Variants in SOX6 observed in about 807,000 individuals in gnomAD.
SOX6 encodes transcription factor SOX-6.
SOX6 carries 11 observed loss-of-function variants against 97.8 expected under a neutral mutation model. The observed-to-expected ratio is 0.11, with a 90% CI of 0.07 to 0.19. The LOEUF is 0.19. SOX6 is among the 10% of genes least tolerant of loss of function. SOX6 has a pLI of 1.00. For missense variants in SOX6, 810 were observed against 1,039.5 expected, an observed-to-expected ratio of 0.78 and a Z score of 3.04; for synonymous variants, 360 against 371.4, an observed-to-expected ratio of 0.97 and a Z score of 0.35.
At chr11:16,024,235 C>T (rs1855152361) in intron 12 of SOX6, among the ~76,000 whole-genome samples, 1 of 152,070 alleles carries the variant, frequency 6.6e-6, no homozygotes, top group Non-Finnish European at 1.5e-5. Flanking sequence ...CTGCTAACAC[C>T]TTGATCTTGG....
chr11:16,183,771 A>G, intron 6 of SOX6, 115 bp downstream of exon 6: 1 of 852,520 alleles, frequency 1.2e-6, no homozygotes, highest in Non-Finnish European at 1.9e-6. Flanking sequence ...ATCCTTGAAA[A>G]CAGCCTTATT....
chr11:16,376,093 G>T (rs1169586322), intron 1 of SOX6, among the ~76,000 whole-genome samples: 9 of 151,892 alleles, frequency 5.9e-5, no homozygotes, highest in Non-Finnish European at 1.0e-4. Context: ...CAGGTTGATG[G>T]GTGCAGCAAA....
chr11:16,692,097 G>A (rs899005861), intron 3 of SOX6, among the ~76,000 whole-genome samples: 10 of 144,384 alleles, frequency 6.9e-5, no homozygotes, highest in East Asian at 1.9e-4. Context: ...GTGCGCGCGC[G>A]CGCTTTCTGA....
At chr11:16,165,656 G>C (rs1589989068) in intron 6 of SOX6, among the ~76,000 whole-genome samples, 2 of 152,264 alleles carry the variant, frequency 1.3e-5, no homozygotes, top group Middle Eastern at 3.4e-3. Flanking sequence ...CCAGCACTTT[G>C]GGAGGCCAAG....
In SOX6 at chr11:15,967,427, A is replaced by G. The variant is rs1385206130; in HGVS notation, c.*5382T>C. 2 of 152,250 alleles carry G rather than the reference A, an allele frequency of 1.3e-5. No homozygotes were observed. The highest frequency in any genetic ancestry group is 2.9e-5 in the Non-Finnish European group (2 of 68,038). The allele number at this position is 152,250 out of a possible 1,614,324, so 9.4% of individuals were successfully genotyped here. ...TTAAATTAACATAGAATACAATTTC[A>G]CAATATACATCACAAACAAATTACA... On this transcript the variant is annotated 3_prime_UTR_variant, in exon 16 of 16. Transcript: ENST00000683767.
intron 2 of SOX6, among the ~76,000 whole-genome samples, chr11:16,735,472 G>A (rs147686224): frequency 1.2e-4 from 18 of 152,234 alleles, no homozygotes; most frequent in Non-Finnish European, 2.5e-4. Context: ...CTGCCAAGCT[G>A]TAAACTCTTT....
At chr11:16,576,551 G>T (rs1847986415) in intron 4 of SOX6, among the ~76,000 whole-genome samples, 1 of 152,144 alleles carries the variant, frequency 6.6e-6, no homozygotes, top group South Asian at 2.1e-4. Flanking sequence ...ATAAAATGAT[G>T]TTTAACATTA....
intron 2 of SOX6, among the ~76,000 whole-genome samples, chr11:16,735,807 T>C (rs1848386847): frequency 6.6e-6 from 1 of 152,140 alleles, no homozygotes; most frequent in Non-Finnish European, 1.5e-5. Flanking sequence ...ATGGTAACTG[T>C]AATTAAGGCC....
At chr11:16,371,159 T>A (rs547252374) in intron 1 of SOX6, among the ~76,000 whole-genome samples, 48 of 152,062 alleles carry the variant, frequency 3.2e-4, no homozygotes, top group Non-Finnish European at 4.9e-4. Flanking sequence ...CCTTCACTCA[T>A]TTGTCTCCAG....
At chr11:16,668,359 G>A (rs1847822945) in intron 3 of SOX6, among the ~76,000 whole-genome samples, 1 of 151,618 alleles carries the variant, frequency 6.6e-6, no homozygotes, top group Admixed American at 6.6e-5. Context: ...GGTGACACAG[G>A]GAGACTCCAT....
At chr11:16,729,103 G>C (rs1848329291) in intron 2 of SOX6, among the ~76,000 whole-genome samples, 1 of 152,194 alleles carries the variant, frequency 6.6e-6, no homozygotes, top group African/African-American at 2.4e-5. Context: ...ACCTACATTT[G>C]ATGGGTGTAC....
rs531259186 is a variant in SOX6, at chr11:16,147,098, C to T, written c.778-35175G>A. Among the ~76,000 whole-genome samples the T allele has an allele frequency of 4.5e-4, 69 of 152,124 alleles. No homozygotes were observed. The South Asian group carries it at 0.014, about 31-fold the overall frequency. On this transcript the variant is annotated intron_variant, in intron 6 of 15. Coordinates refer to ENST00000683767, the MANE Select transcript of SOX6 (RefSeq NM_001367873.1). ...ATTCACAATAGCAAAGACTTGGAAC[C>T]AACCCAAATGTCCAACAATCATAGA...
intron 3 of SOX6, chr11:16,317,754 C>T (rs1488794792): frequency 5.9e-6 from 1 of 169,040 alleles, no homozygotes; most frequent in Admixed American, 6.0e-5. Flanking sequence ...ATTTTAAGGC[C>T]TAAAATCTGT....
At chr11:16,226,484 C>G (rs930928060) in intron 4 of SOX6, among the ~76,000 whole-genome samples, 1 of 152,092 alleles carries the variant, frequency 6.6e-6, no homozygotes, top group African/African-American at 2.4e-5. Flanking sequence ...CGACACAGCA[C>G]AGAGGAGCAT....
At chr11:16,597,338 GTGTA>G (rs1848224076) in intron 4 of SOX6, among the ~76,000 whole-genome samples, 2 of 140,100 alleles carry the variant, frequency 1.4e-5, no homozygotes, top group South Asian at 4.9e-4. Flanking sequence ...ATATGTGTGT[GTGTA>G]TATATATATA....
At chr11:16,723,382 G>A (rs1484629940) in intron 2 of SOX6, among the ~76,000 whole-genome samples, 2 of 151,970 alleles carry the variant, frequency 1.3e-5, no homozygotes, top group Non-Finnish European at 2.9e-5. Flanking sequence ...TTGGATACTG[G>A]GTTTAATACC....
intron 1 of SOX6, among the ~76,000 whole-genome samples, chr11:16,376,578 AG>A (rs1857646825): frequency 6.6e-6 from 1 of 152,176 alleles, no homozygotes; most frequent in African/African-American, 2.4e-5. Flanking sequence ...CCAGGAATAC[AG>A]GAAGAGGAAG....
chr11:16,280,228 A>T (rs912292243), intron 3 of SOX6, among the ~76,000 whole-genome samples: 2 of 152,078 alleles, frequency 1.3e-5, no homozygotes, highest in South Asian at 4.1e-4. Context: ...GCCAAAAATG[A>T]TATCAAATTT....
intron 3 of SOX6, among the ~76,000 whole-genome samples, chr11:16,662,405 A>AT (rs1474879463): frequency 6.6e-6 from 1 of 152,088 alleles, no homozygotes; most frequent in East Asian, 1.9e-4. Flanking sequence ...AATAAGGTGG[A>AT]TTTTTTCCTC....
Sources: gnomAD v4.1 joint callset for allele counts (sites outside exome capture counted in the v4.1 genomes callset) on GRCh38, gnomAD v4.1.1 for gene constraint, MANE v1.5 for transcripts, NCBI Gene and HGNC (gene_info 2026-07-23, HGNC 2026-07-21) for gene names.